The following RNF207 variants were observed in gnomAD, a reference collection of about 807,000 sequenced individuals.
The protein encoded by RNF207 is ring finger protein 207.
In RNF207, 72 loss-of-function variants were observed where a neutral mutation model predicts 79.0. That is an observed-to-expected ratio of 0.91 (90% CI 0.75 to 1.11). The LOEUF (loss-of-function observed/expected upper bound fraction) is 1.11, where lower values mean the gene tolerates loss of function less well. Among genes scored for constraint, RNF207 ranks in the 50% least tolerant of loss-of-function variants. The pLI, the probability that RNF207 is intolerant of heterozygous loss-of-function variation, is 0.00. For synonymous variants in RNF207, 348 were observed against 366.2 expected (o/e 0.95, Z 0.57); for missense variants, 936 against 855.8 (o/e 1.09, Z -1.17).
chr1:6,212,156 C>T (rs1668199613), intron 13 of RNF207, 75 bp from the exon 14 acceptor site: 12 of 1,542,810 alleles, frequency 7.8e-6, no homozygotes, highest in Non-Finnish European at 1.1e-5. Flanking sequence ...AAGCTGGGAG[C>T]CATTCCTCCA....
intron 16 of RNF207, among the ~76,000 whole-genome samples, chr1:6,214,000 C>T (rs1668274280): frequency 6.6e-6 from 1 of 152,138 alleles, no homozygotes; most frequent in Non-Finnish European, 1.5e-5. Context: ...TAGGGGGGCC[C>T]ACCTCCTGGT....
At position 6,215,254 on chromosome 1, in the gene RNF207, C is replaced by T. The variant is rs868285019; in HGVS notation, c.1652+2071C>T. Among the ~76,000 whole-genome samples the T allele has an allele frequency of 3.3e-5, 5 of 152,088 alleles. No individual in the cohort carries two copies. In the South Asian group the frequency reaches 1.0e-3, roughly 32 times the overall value. On this transcript the variant is annotated intron_variant, in intron 16 of 17. Transcript: ENST00000377939. ...TGTTGGTCAGGTTGGTCTTGAACTCCCGACCTCAGGTGATCTGCCTGCCTC... is the reference window on the plus strand; with the variant it reads ...TGTTGGTCAGGTTGGTCTTGAACTCTCGACCTCAGGTGATCTGCCTGCCTC...
At position 6,209,155 on chromosome 1, in the gene RNF207, G is replaced by A. The variant is rs754832253; in HGVS notation, c.510G>A (p.Lys170=). ...CCTACCTCTTGTTCTCCACCGACAA[G>A]AAGTTGCTGTTGTGCATCCGCTGCT... ...AEPYLLFSTD[K]KLLLCIRCFR... The change falls in exon 5 of 18, where the codon AAG becomes AAA. Residue 170 remains lysine, a synonymous_variant. Transcript: ENST00000377939. 2.6e-6 allele frequency: 4 copies of A among 1,558,044 alleles called. No individual in the cohort carries two copies. The African/African-American group carries it at 4.1e-5, about 16-fold the overall frequency.
Position 6,208,887 on chromosome 1 carries a change from G to A in RNF207, c.331G>A (p.Glu111Lys). 1.3e-6 allele frequency: 2 copies of A among 1,529,928 alleles called. No individual in the cohort carries two copies. The highest frequency in any genetic ancestry group is 1.2e-5 in the South Asian group (1 of 83,788). The allele number at this position is 1,529,928 out of a possible 1,614,324, so 94.8% of individuals were successfully genotyped here. A position where few individuals can be genotyped will look rare whatever the true frequency, so the allele number is the denominator to read the frequency against. Reference protein sequence around the residue: ...CDLECSEQDVETTYFCNTCGQ... With the variant: ...CDLECSEQDVKTTYFCNTCGQ... ...GCCCGCGCTCGGCCCGCAGGACGTG[G>A]AGACCACGTACTTCTGCAACACGTG... Residue 111 changes from glutamate (E) to lysine (K), a missense_variant, in exon 4 of 18, where the codon GAG (glutamate) becomes AAG (lysine). Physicochemically the swap from Glu to Lys is moderately conservative, Grantham distance 56. Transcript: ENST00000377939.
At position 6,218,352 on chromosome 1, in the gene RNF207, C is replaced by T. The variant is rs1246830637; in HGVS notation, c.1716C>T (p.Asn572=). 1.2e-6 allele frequency: 2 copies of T among 1,613,622 alleles called. No homozygotes were observed. The highest frequency in any genetic ancestry group is 1.7e-5 in the Admixed American group (1 of 60,000). ...SLQNTHDDSR[N]NAASARNNPG... Reference sequence around the variant, plus strand: ...AGAACACGCACGACGACAGCAGGAACAACGCGGCCTCAGCCAGGTAAAGCA... The same window carrying T: ...AGAACACGCACGACGACAGCAGGAATAACGCGGCCTCAGCCAGGTAAAGCA... Residue 572 remains asparagine (N), a synonymous_variant, in exon 17 of 18, where the codon AAC becomes AAT. Coordinates refer to ENST00000377939, the MANE Select transcript of RNF207 (RefSeq NM_207396.3).
At chr1:6,208,312 TA>T (rs1288801005) in intron 3 of RNF207, 151 of 144,910 alleles carry the variant, frequency 1.0e-3, no homozygotes, top group Non-Finnish European at 1.1e-3. Flanking sequence ...TTGTTGCAGG[TA>T]AAAAAAAAAA....
At chr1:6,212,652 C>G (rs770473833) in intron 14 of RNF207, 30 bp from the exon 15 acceptor site, 1 of 1,601,386 alleles carries the variant, frequency 6.2e-7, no homozygotes, top group African/African-American at 1.3e-5. Flanking sequence ...AGCTCACTGC[C>G]ACATCCAATG....
rs1668032687 is a variant in RNF207, at chr1:6,209,025, AG to A, written c.469+1del. On this transcript the variant is annotated splice_donor_variant, in intron 4 of 17. Coordinates refer to ENST00000377939, the MANE Select transcript of RNF207 (RefSeq NM_207396.3). LOFTEE classifies it high-confidence loss of function. ...AAGCCGCGACGTGCCCCAGAAGTGC[AG>A]TGAGTGAGGCTTGCGGGGCCGGGGA... The A allele has an allele frequency of 9.3e-7, 1 of 1,074,892 alleles. No homozygotes were observed. Among genetic ancestry groups the A allele is most frequent in the East Asian group, 6.2e-5 (1 of 16,126 alleles). The allele number at this position is 1,074,892 out of a possible 1,614,324, so 66.6% of individuals were successfully genotyped here.
chr1:6,208,885 T>C lies in RNF207; in HGVS notation c.329T>C (p.Val110Ala), dbSNP rs1668024274. Residue 110 changes from valine (V) to alanine (A), a missense_variant, in exon 4 of 18, where the codon GTG becomes GCG. Coordinates refer to ENST00000377939, the MANE Select transcript of RNF207 (RefSeq NM_207396.3). ...NCDLECSEQD[V>A]ETTYFCNTCG... ...GAGCCCGCGCTCGGCCCGCAGGACG[T>C]GGAGACCACGTACTTCTGCAACACG... is the stretch of plus-strand genomic sequence containing the variant. 1 of 1,529,408 alleles carries C rather than the reference T, an allele frequency of 6.5e-7. No individual in the cohort carries two copies. 94.7% of individuals were successfully genotyped at this position (1,529,408 alleles called of 1,614,324 possible).
In RNF207 at chr1:6,209,976, T is replaced by C. The variant is rs1451066634; in HGVS notation, c.800+6T>C. On this transcript the variant is annotated splice_donor_region_variant and intron_variant, in intron 8 of 17. Transcript: ENST00000377939. ...CTGCTGCAGGCTGTGCAGAGGTGAG[T>C]TGGGGGGAGCGGGGCTTGCTTCCCT... The C allele has an allele frequency of 1.5e-5, 24 of 1,582,514 alleles. No homozygotes were observed. Among genetic ancestry groups the C allele is most frequent in the East Asian group, 4.5e-5 (2 of 44,378 alleles).
chr1:6,216,585 G>A (rs1211839431), intron 16 of RNF207, among the ~76,000 whole-genome samples: 3 of 145,158 alleles, frequency 2.1e-5, no homozygotes, highest in South Asian at 4.3e-4. Flanking sequence ...TTTTGAGACC[G>A]AGTCTCGCTC....
rs937769578 is a variant in RNF207 at position 6,220,573 on chromosome 1, C to T, written c.*1166C>T. 6.6e-6 allele frequency: 1 copy of T among 152,202 alleles called. No individual in the cohort carries two copies. Among genetic ancestry groups the T allele is most frequent in the Non-Finnish European group, 1.5e-5 (1 of 68,050 alleles). 9.4% of individuals were successfully genotyped at this position (152,202 alleles called of 1,614,324 possible). On this transcript the variant is annotated 3_prime_UTR_variant, in exon 18 of 18. Transcript: ENST00000377939. ...CTCTCCCTTTCCAGCAAGGGCAGAGCTCCTAAAGCCAGGGGTTAGCACCTG... is the reference window on the plus strand; with the variant it reads ...CTCTCCCTTTCCAGCAAGGGCAGAGTTCCTAAAGCCAGGGGTTAGCACCTG...
Position 6,211,191 on chromosome 1 carries a change from GC to G in RNF207, c.1109+75del. 1 of 1,005,482 alleles carries G rather than the reference GC, an allele frequency of 9.9e-7. No homozygotes were observed. The highest frequency in any genetic ancestry group is 1.4e-6 in the Non-Finnish European group (1 of 689,666). The allele number at this position is 1,005,482 out of a possible 1,614,324, so 62.3% of individuals were successfully genotyped here. A position where few individuals can be genotyped will look rare whatever the true frequency, so the allele number is the denominator to read the frequency against. ...TGTGGGGGAGGGTGGGCGCTGAGGG[GC>G]CAGATCGCCAGCAAGAAGCCAGGTG... On this transcript the variant is annotated intron_variant, in intron 12 of 17. Coordinates refer to ENST00000377939, the MANE Select transcript of RNF207 (RefSeq NM_207396.3). The surrounding 1 kb of genome is among the most constrained non-coding windows in gnomAD (Gnocchi z 4.2).
At chr1:6,215,202 A>G (rs1668321764) in intron 16 of RNF207, among the ~76,000 whole-genome samples, 1 of 150,650 alleles carries the variant, frequency 6.6e-6, no homozygotes. Flanking sequence ...CTAATTTTGT[A>G]TTTTTAGTAG....
At position 6,210,315 on chromosome 1, in the gene RNF207, C is replaced by T. The variant is rs201775287; in HGVS notation, c.873+20C>T. The T allele has an allele frequency of 7.4e-6, 12 of 1,612,966 alleles. No individual in the cohort carries two copies. Among genetic ancestry groups the T allele is most frequent in the East Asian group, 6.7e-5 (3 of 44,868 alleles). On this transcript the variant is annotated intron_variant, in intron 9 of 17. Transcript: ENST00000377939. ...CTGCAGGTACAGGGAGCTCGGGGTG[C>T]GGGTGGGTCCCTCCTCCTCCCCGGC...
chr1:6,209,066 C>CCCCCG, intron 4 of RNF207, 41 bp downstream of exon 4: 1 of 644,496 alleles, frequency 1.6e-6, no homozygotes, highest in Non-Finnish European at 2.3e-6. Context: ...GGGGTGGGGG[C>CCCCCG]GGGGCGGGCA....
intron 2 of RNF207, 104 bp downstream of exon 2, chr1:6,206,830 A>G: frequency 2.2e-6 from 2 of 916,696 alleles, no homozygotes; most frequent in Non-Finnish European, 3.2e-6. Flanking sequence ...TAAGGCTCCA[A>G]CTTCAGGCAG....
At position 6,207,113 on chromosome 1, in the gene RNF207, A is replaced by G. The variant is rs1667939112; in HGVS notation, c.192-266A>G. On this transcript the variant is annotated intron_variant, in intron 2 of 17. Transcript: ENST00000377939. This position sits in a 1 kb window ranked among gnomAD's most constrained non-coding sequence, Gnocchi z 4.5. ...CCCAGGAGTGGCTCTGATTTGCCCAATGCCGTGAGAAGATGTCGAGGAGCA... is the reference window on the plus strand; with the variant it reads ...CCCAGGAGTGGCTCTGATTTGCCCAGTGCCGTGAGAAGATGTCGAGGAGCA... 6.6e-6 allele frequency among the ~76,000 whole-genome samples: 1 copy of G among 152,204 alleles called. No homozygotes were observed. Among genetic ancestry groups the G allele is most frequent in the South Asian group, 2.1e-4 (1 of 4,836 alleles).
Position 6,208,880 on chromosome 1 carries a change from G to A in RNF207, c.325-1G>A, listed in dbSNP as rs1303473040. 2 of 1,527,770 alleles carry A rather than the reference G, an allele frequency of 1.3e-6. No homozygotes were observed. Among genetic ancestry groups the A allele is most frequent in the East Asian group, 2.5e-5 (1 of 40,002 alleles). The allele number at this position is 1,527,770 out of a possible 1,614,324, so 94.6% of individuals were successfully genotyped here. A position where few individuals can be genotyped will look rare whatever the true frequency, so the allele number is the denominator to read the frequency against. ...CTCCTGAGCCCGCGCTCGGCCCGCAGGACGTGGAGACCACGTACTTCTGCA... is the reference window on the plus strand; with the variant it reads ...CTCCTGAGCCCGCGCTCGGCCCGCAAGACGTGGAGACCACGTACTTCTGCA... On this transcript the variant is annotated splice_acceptor_variant, in intron 3 of 17. Transcript: ENST00000377939. LOFTEE classifies it high-confidence loss of function.
Sources: gnomAD v4.1 joint callset for allele counts (sites outside exome capture counted in the v4.1 genomes callset) on GRCh38, gnomAD v4.1.1 for gene constraint, Gnocchi (gnomAD v3.1) non-coding constraint, MANE v1.5 for transcripts, NCBI Gene and HGNC (gene_info 2026-07-23, HGNC 2026-07-21) for gene names.